ASTN2: variants seen among roughly 807,000 people sequenced by gnomAD.
The protein encoded by ASTN2 is astrotactin 2, also known as astrotactin-2.
A neutral mutation model predicts 139.8 loss-of-function variants in ASTN2; 54 were observed. The observed-to-expected ratio is 0.39, with a 90% CI of 0.31 to 0.48. ASTN2 has a LOEUF of 0.48. Among genes scored for constraint, ASTN2 ranks in the 20% least tolerant of loss-of-function variants. The pLI is 0.95. For missense variants in ASTN2, 1,565 were observed against 1,725.1 expected (o/e 0.91, Z 1.64); for synonymous variants, 756 against 719.5 (o/e 1.05, Z -0.81).
At chr9:116,923,207 G>A (rs112472248) in intron 10 of ASTN2, among the ~76,000 whole-genome samples, 6,642 of 152,234 alleles carry the variant, frequency 0.044, 306 homozygotes, top group African/African-American at 0.11. Flanking sequence ...ACCTGTTCAG[G>A]CTCAGCCAGA....
chr9:117,046,485 G>A (rs767387136), intron 5 of ASTN2, among the ~76,000 whole-genome samples: 3 of 152,130 alleles, frequency 2.0e-5, no homozygotes, highest in Non-Finnish European at 4.4e-5. Flanking sequence ...ACAGCACTAA[G>A]CACCATGTCT....
intron 3 of ASTN2, among the ~76,000 whole-genome samples, chr9:117,145,246 T>C (rs1372348348): frequency 6.6e-6 from 1 of 152,180 alleles, no homozygotes; most frequent in African/African-American, 2.4e-5. Flanking sequence ...AATACCCGCA[T>C]TCCTTGGAAA....
intron 4 of ASTN2, among the ~76,000 whole-genome samples, chr9:117,112,042 G>A (rs1435468721): frequency 1.3e-5 from 2 of 151,862 alleles, no homozygotes; most frequent in African/African-American, 2.4e-5. Flanking sequence ...ATTTACAATA[G>A]TGTAGAAAAA....
intron 7 of ASTN2, among the ~76,000 whole-genome samples, chr9:116,990,369 C>CTGG (rs1564373472): frequency 3.4e-5 from 1 of 29,548 alleles, no homozygotes; most frequent in Non-Finnish European, 3.6e-4. Context: ...TGGGTTCAAG[C>CTGG]GATTCTCCTG....
At chr9:116,547,975 GC>G (rs1238467649) in intron 19 of ASTN2, among the ~76,000 whole-genome samples, 3 of 152,096 alleles carry the variant, frequency 2.0e-5, no homozygotes, top group African/African-American at 4.8e-5. Flanking sequence ...CACACACCCT[GC>G]CCACCTGTCT....
intron 1 of ASTN2, among the ~76,000 whole-genome samples, chr9:117,329,852 G>T (rs533111681): frequency 1.3e-5 from 2 of 152,276 alleles, no homozygotes; most frequent in East Asian, 3.9e-4. Flanking sequence ...AGACATGACT[G>T]CCATTGCTAA....
At chr9:117,261,472 C>T (rs937965021) in intron 2 of ASTN2, among the ~76,000 whole-genome samples, 1 of 152,170 alleles carries the variant, frequency 6.6e-6, no homozygotes, top group African/African-American at 2.4e-5. Context: ...CATGGCTATG[C>T]TTGAATTCAC....
chr9:117,258,277 C>G (rs1423511451), intron 2 of ASTN2, among the ~76,000 whole-genome samples: 3 of 152,180 alleles, frequency 2.0e-5, no homozygotes, highest in African/African-American at 7.2e-5. Context: ...TAATCAGACT[C>G]AGAGAGTCTC....
chr9:117,101,340 T>C (rs1425530339), intron 4 of ASTN2, among the ~76,000 whole-genome samples: 1 of 152,212 alleles, frequency 6.6e-6, no homozygotes, highest in East Asian at 1.9e-4. Flanking sequence ...AATATAAAAT[T>C]GGTGATTTAG....
intron 11 of ASTN2, among the ~76,000 whole-genome samples, chr9:116,827,355 A>G (rs1472864817): frequency 6.6e-6 from 1 of 150,786 alleles, no homozygotes; most frequent in Non-Finnish European, 1.5e-5. Context: ...ACAAGAACAA[A>G]CCACACCCAA....
intron 10 of ASTN2, among the ~76,000 whole-genome samples, chr9:116,936,565 C>G (rs1386634826): frequency 6.6e-6 from 1 of 152,168 alleles, no homozygotes; most frequent in Non-Finnish European, 1.5e-5. Flanking sequence ...CTCTTGGACA[C>G]TTTATTAGAT....
At chr9:117,398,236 C>T (rs754797363) in intron 1 of ASTN2, among the ~76,000 whole-genome samples, 10 of 152,066 alleles carry the variant, frequency 6.6e-5, no homozygotes, top group South Asian at 2.1e-4. Flanking sequence ...AATTATAAGA[C>T]GGACAGTAAG....
At chr9:117,249,569 G>C (rs1833479378) in intron 2 of ASTN2, among the ~76,000 whole-genome samples, 1 of 152,082 alleles carries the variant, frequency 6.6e-6, no homozygotes, top group South Asian at 2.1e-4. Flanking sequence ...GTTCCTCTAA[G>C]CATGACGATC....
At chr9:116,809,758 A>G (rs1831116491) in intron 12 of ASTN2, among the ~76,000 whole-genome samples, 1 of 152,168 alleles carries the variant, frequency 6.6e-6, no homozygotes, top group Non-Finnish European at 1.5e-5. Context: ...GGCGCTTCTG[A>G]TAAGTGTGAC....
chr9:116,849,950 A>C (rs1832548404), intron 11 of ASTN2, among the ~76,000 whole-genome samples: 1 of 152,134 alleles, frequency 6.6e-6, no homozygotes. Flanking sequence ...ATAATTTTGG[A>C]TGGTATGCAT....
chr9:117,089,881 G>A (rs1212265947), intron 5 of ASTN2, among the ~76,000 whole-genome samples: 1 of 152,176 alleles, frequency 6.6e-6, no homozygotes, highest in African/African-American at 2.4e-5. Context: ...TGGTCAAGTA[G>A]TATTCCATCA....
chr9:117,119,854 C>T (rs1435779188), intron 4 of ASTN2, among the ~76,000 whole-genome samples: 1 of 151,304 alleles, frequency 6.6e-6, no homozygotes, highest in Non-Finnish European at 1.5e-5. Context: ...AGAAGCTTTC[C>T]TATGGGTAGA....
intron 20 of ASTN2, among the ~76,000 whole-genome samples, chr9:116,462,294 G>T (rs1242509365): frequency 6.6e-6 from 1 of 152,162 alleles, no homozygotes; most frequent in African/African-American, 2.4e-5. Context: ...CTTTTACACA[G>T]GAAGAAATGG....
At chr9:116,451,548 C>G (rs553485934) in intron 20 of ASTN2, among the ~76,000 whole-genome samples, 13 of 152,186 alleles carry the variant, frequency 8.5e-5, no homozygotes, top group African/African-American at 3.1e-4. Context: ...ACTATAAGGT[C>G]TTCAATAAAA....
Sources: allele counts gnomAD v4.1 joint callset (sites outside exome capture counted in the v4.1 genomes callset), GRCh38; gene constraint gnomAD v4.1.1; transcripts MANE v1.5; gene names NCBI Gene and HGNC (gene_info 2026-07-23, HGNC 2026-07-21).